The following OR7C1 variants were observed in gnomAD, a reference collection of about 807,000 sequenced individuals.
The protein encoded by OR7C1 is olfactory receptor family 7 subfamily C member 1, also known as olfactory receptor 7C1.
For missense variants in OR7C1, 324 were observed against 383.3 expected, an observed-to-expected ratio of 0.85 and a Z score of 1.29; for synonymous variants, 152 against 160.7, an observed-to-expected ratio of 0.95 and a Z score of 0.41.
At position 14,805,350 on chromosome 19, in the gene OR7C1, A is replaced by G. The variant is rs567295330; in HGVS notation, c.-435+4456T>C. Among the ~76,000 whole-genome samples, 304 of 151,096 alleles carry G rather than the reference A, an allele frequency of 2.0e-3. 2 individuals carry two copies. Among genetic ancestry groups the G allele is most frequent in the Middle Eastern group, 3.4e-3 (1 of 290 alleles). ...TGTAATCTAGGACCATCCCTGGAGCATCTTCATGTCTCCCATGATGGTCCA... is the reference window on the plus strand; with the variant it reads ...TGTAATCTAGGACCATCCCTGGAGCGTCTTCATGTCTCCCATGATGGTCCA... On this transcript the variant is annotated intron_variant, in intron 2 of 4. Coordinates refer to ENST00000641666, the Ensembl canonical transcript of OR7C1.
chr19:14,817,892 A>T (rs2044722804), intron 1 of OR7C1, among the ~76,000 whole-genome samples: 1 of 152,096 alleles, frequency 6.6e-6, no homozygotes, highest in African/African-American at 2.4e-5. Flanking sequence ...GAGAGAAAAA[A>T]AACTGAGTAT....
chr19:14,810,473 G>A (rs1352176383), intron 1 of OR7C1, among the ~76,000 whole-genome samples: 1 of 151,492 alleles, frequency 6.6e-6, no homozygotes, highest in South Asian at 2.1e-4. Flanking sequence ...TCCACCTCCC[G>A]GGTTCACACC....
At chr19:14,809,336 G>A (rs2044680212) in intron 2 of OR7C1, among the ~76,000 whole-genome samples, 1 of 151,908 alleles carries the variant, frequency 6.6e-6, no homozygotes. Flanking sequence ...CGAATCCTGA[G>A]GCTTGCACAT....
intron 1 of OR7C1, among the ~76,000 whole-genome samples, chr19:14,829,241 G>C (rs1288639216): frequency 6.6e-6 from 1 of 152,230 alleles, no homozygotes; most frequent in Non-Finnish European, 1.5e-5. Flanking sequence ...GTCTCGCTCT[G>C]TTGCCGGGCT....
chr19:14,810,480 C>T lies in OR7C1; in HGVS notation c.-622-487G>A, dbSNP rs191402744. ...CTGCAAGCTCCACCTCCCGGGTTCA[C>T]ACCATTCTCCTGCCTCAGCCTCCCG... On this transcript the variant is annotated intron_variant, in intron 1 of 4. Transcript: ENST00000641666. 4.8e-3 allele frequency among the ~76,000 whole-genome samples: 727 copies of T among 151,710 alleles called. 9 individuals carry two copies. Among genetic ancestry groups the T allele is most frequent in the Non-Finnish European group, 4.1e-3 (276 of 67,982 alleles).
chr19:14,798,619 A>G (rs1252607323), exon 5 of OR7C1: 1 of 152,542 alleles, frequency 6.6e-6, no homozygotes, highest in African/African-American at 2.4e-5. Flanking sequence ...TGAAATGCAC[A>G]GGGTTTTATA....
chr19:14,831,924 G>T (rs897984845), intron 1 of OR7C1, among the ~76,000 whole-genome samples: 1 of 152,032 alleles, frequency 6.6e-6, no homozygotes, highest in African/African-American at 2.4e-5. Flanking sequence ...TTTATTCATT[G>T]TTGAGATAGG....
At chr19:14,818,390 G>A (rs1486163584) in intron 1 of OR7C1, among the ~76,000 whole-genome samples, 1 of 152,088 alleles carries the variant, frequency 6.6e-6, no homozygotes, top group Admixed American at 6.5e-5. Context: ...CACCGCGCCC[G>A]GCTGATAAGT....
chr19:14,827,784 G>A, intron 1 of OR7C1: 1 of 1,614,194 alleles, frequency 6.2e-7, no homozygotes, highest in East Asian at 2.2e-5. Context: ...GGAATACAGA[G>A]CACTCATGGT....
In OR7C1 at chr19:14,813,052, G is replaced by A. The variant is rs567499604; in HGVS notation, c.-622-3059C>T. 1.1e-3 allele frequency among the ~76,000 whole-genome samples: 153 copies of A among 137,976 alleles called. 4 individuals carry two copies. The South Asian group carries it at 0.031, about 28-fold the overall frequency. 90.5% of individuals were successfully genotyped at this position (137,976 alleles called of 152,430 possible). On this transcript the variant is annotated intron_variant, in intron 1 of 4. Coordinates refer to ENST00000641666, the Ensembl canonical transcript of OR7C1. Reference sequence around the variant, plus strand: ...TGCACTCCAGCACTCCAGCTTGGGCGACACAGCAAGATTCCATCTCAAAAA... The same window carrying A: ...TGCACTCCAGCACTCCAGCTTGGGCAACACAGCAAGATTCCATCTCAAAAA...
intron 1 of OR7C1, chr19:14,827,205 A>C: frequency 1.4e-6 from 2 of 1,400,464 alleles, no homozygotes; most frequent in Non-Finnish European, 1.9e-6. Flanking sequence ...ATAAGTATTA[A>C]TAGAAGGAGC....
chr19:14,805,048 T>C (rs2044659810), intron 2 of OR7C1, among the ~76,000 whole-genome samples: 1 of 151,862 alleles, frequency 6.6e-6, no homozygotes, highest in Admixed American at 6.6e-5. Flanking sequence ...CTAGTGGATC[T>C]AGATAGATAG....
chr19:14,802,005 T>G (rs1367296426), intron 2 of OR7C1, among the ~76,000 whole-genome samples: 1 of 152,100 alleles, frequency 6.6e-6, no homozygotes, highest in African/African-American at 2.4e-5. Context: ...CCAAACCATA[T>G]CAGTCAGGAA....
At position 14,803,456 on chromosome 19, in the gene OR7C1, C is replaced by T. The variant is rs191780353; in HGVS notation, c.-434-2692G>A. On this transcript the variant is annotated intron_variant, in intron 2 of 4. Transcript: ENST00000641666. Reference sequence around the variant, plus strand: ...CATGTTGTCTTCTCCTTACTGTACACGTGGTTTGCAAGGAAAAGGGAAGAT... The same window carrying T: ...CATGTTGTCTTCTCCTTACTGTACATGTGGTTTGCAAGGAAAAGGGAAGAT... 1.3e-3 allele frequency among the ~76,000 whole-genome samples: 196 copies of T among 152,020 alleles called. No individual in the cohort carries two copies. The Middle Eastern group carries it at 0.017, about 13-fold the overall frequency.
At chr19:14,799,772 C>T (rs756541110) in exon 5 of OR7C1, 35 of 1,613,508 alleles carry the variant, frequency 2.2e-5, no homozygotes, top group South Asian at 1.1e-4. Context: ...GGCCACGAAG[C>T]GGTCATAGGC....
At chr19:14,830,724 T>A (rs2044823382) in intron 1 of OR7C1, among the ~76,000 whole-genome samples, 1 of 152,196 alleles carries the variant, frequency 6.6e-6, no homozygotes, top group Non-Finnish European at 1.5e-5. Context: ...AAGACAAGAC[T>A]GTGGAGTCCT....
At position 14,806,505 on chromosome 19, in the gene OR7C1, C is replaced by G. The variant is rs187763985; in HGVS notation, c.-435+3301G>C. On this transcript the variant is annotated intron_variant, in intron 2 of 4. Coordinates refer to ENST00000641666, the Ensembl canonical transcript of OR7C1. ...TCACCTAGGTATTCAGCCCTGCATG[C>G]ATTAGCTATTTATCCTGATGCGCTC... 9.7e-4 allele frequency among the ~76,000 whole-genome samples: 147 copies of G among 152,072 alleles called. 1 individual carries two copies. The highest frequency in any genetic ancestry group is 3.4e-3 in the Middle Eastern group (1 of 294).
intron 1 of OR7C1, among the ~76,000 whole-genome samples, chr19:14,812,678 G>A (rs949508735): frequency 2.0e-5 from 3 of 151,972 alleles, no homozygotes; most frequent in African/African-American, 7.3e-5. Context: ...CACTATCTCG[G>A]TGTCTGAGGG....
chr19:14,800,240 A>G lies in OR7C1; in HGVS notation c.-14+16T>C. 1 of 1,308,380 alleles carries G rather than the reference A, an allele frequency of 7.6e-7. No individual in the cohort carries two copies. The allele number at this position is 1,308,380 out of a possible 1,614,324, so 81.0% of individuals were successfully genotyped here. On this transcript the variant is annotated intron_variant, in intron 4 of 4. Coordinates refer to ENST00000641666, the Ensembl canonical transcript of OR7C1. ...CATTTAATTTTAAGTGAAGGAATCAATTAACAAAAGATTGCCTTTTTCTTG... is the reference window on the plus strand; with the variant it reads ...CATTTAATTTTAAGTGAAGGAATCAGTTAACAAAAGATTGCCTTTTTCTTG...
Sources: gnomAD v4.1 joint callset for allele counts (sites outside exome capture counted in the v4.1 genomes callset) on GRCh38, gnomAD v4.1.1 for gene constraint, MANE v1.5 for transcripts, NCBI Gene and HGNC (gene_info 2026-07-23, HGNC 2026-07-21) for gene names.